Variants in ROR2 observed in about 807,000 individuals in gnomAD.
ROR2 encodes the protein tyrosine-protein kinase transmembrane receptor ROR2.
In ROR2, 33 loss-of-function variants were observed where a neutral mutation model predicts 74.9. That is an observed-to-expected ratio of 0.44 (90% CI 0.33 to 0.59). The LOEUF (loss-of-function observed/expected upper bound fraction) is 0.59. Ranked by LOEUF, ROR2 falls within the 20% of genes least tolerant of loss-of-function variation. The pLI is 0.02. For synonymous variants in ROR2, 586 were observed against 558.7 expected (o/e 1.05, Z -0.69); for missense variants, 1,216 against 1,313.8 (o/e 0.93, Z 1.15).
In ROR2 at chr9:91,859,839, A is replaced by C. The variant is rs147504662; in HGVS notation, c.98-84021T>G. 1.1e-3 allele frequency among the ~76,000 whole-genome samples: 170 copies of C among 152,236 alleles called. 1 individual carries two copies. The highest frequency in any genetic ancestry group is 0.01 in the East Asian group (52 of 5,160). ...GGCTCCGTCTCAAACAAACAAACAA[A>C]CAAACAAAACCATGTGTTTCAGCCA... On this transcript the variant is annotated intron_variant, in intron 1 of 8. Coordinates refer to ENST00000375708, the MANE Select transcript of ROR2 (RefSeq NM_004560.4).
chr9:91,946,881 CCTGTATTTCTATTCCA>C (rs1012951131), intron 1 of ROR2, among the ~76,000 whole-genome samples: 1 of 152,082 alleles, frequency 6.6e-6, no homozygotes, highest in African/African-American at 2.4e-5. Flanking sequence ...TGTTCGTACC[CCTGTATTTCTATTCCA>C]CTGATTTCAG....
intron 1 of ROR2, among the ~76,000 whole-genome samples, chr9:91,786,733 G>A (rs781670244): frequency 7.2e-5 from 11 of 152,214 alleles, no homozygotes; most frequent in East Asian, 3.9e-4. Flanking sequence ...AGCTGGGGGC[G>A]GAGGGGTAGG....
At chr9:91,892,678 C>T (rs1830450902) in intron 1 of ROR2, among the ~76,000 whole-genome samples, 1 of 150,540 alleles carries the variant, frequency 6.6e-6, no homozygotes, top group African/African-American at 2.5e-5. Context: ...CAACCTCCAC[C>T]TCCCGGGTTC....
At chr9:91,917,560 A>G (rs1031013371) in intron 1 of ROR2, among the ~76,000 whole-genome samples, 24 of 152,210 alleles carry the variant, frequency 1.6e-4, no homozygotes, top group Non-Finnish European at 8.8e-5. Flanking sequence ...GAAACCCTGG[A>G]AAGCATGCCC....
At chr9:91,827,270 T>C (rs1334306054) in intron 1 of ROR2, among the ~76,000 whole-genome samples, 5 of 152,202 alleles carry the variant, frequency 3.3e-5, no homozygotes, top group African/African-American at 4.8e-5. Flanking sequence ...AATTTTCCCA[T>C]ATCATTATAG....
At chr9:91,759,154 T>G (rs1825841624) in intron 2 of ROR2, among the ~76,000 whole-genome samples, 1 of 152,118 alleles carries the variant, frequency 6.6e-6, no homozygotes, top group Non-Finnish European at 1.5e-5. Context: ...TAGTGAACCC[T>G]AAGGGTAAGA....
chr9:91,838,247 G>A (rs1376495509), intron 1 of ROR2, among the ~76,000 whole-genome samples: 1 of 152,094 alleles, frequency 6.6e-6, no homozygotes, highest in Non-Finnish European at 1.5e-5. Context: ...GCTTATAAAA[G>A]CAAATTAAAC....
At chr9:91,764,848 G>A (rs917064468) in intron 2 of ROR2, among the ~76,000 whole-genome samples, 1 of 152,118 alleles carries the variant, frequency 6.6e-6, no homozygotes, top group Non-Finnish European at 1.5e-5. Flanking sequence ...TGATAGTTTC[G>A]TTGGGTATAG....
intron 1 of ROR2, among the ~76,000 whole-genome samples, chr9:91,911,186 C>CT (rs1587840853): frequency 6.6e-6 from 1 of 152,320 alleles, no homozygotes; most frequent in East Asian, 1.9e-4. Flanking sequence ...CACACAGGCT[C>CT]TTTTTGAAAA....
chr9:91,826,301 G>A (rs1214478461), intron 1 of ROR2, among the ~76,000 whole-genome samples: 4 of 152,014 alleles, frequency 2.6e-5, no homozygotes, highest in Admixed American at 2.0e-4. Context: ...TTATACCCAG[G>A]TATATCTCCA....
intron 1 of ROR2, among the ~76,000 whole-genome samples, chr9:91,866,248 T>A (rs1358165494): frequency 2.0e-5 from 3 of 151,884 alleles, no homozygotes; most frequent in Admixed American, 6.6e-5. Context: ...GTCTCCTGAG[T>A]AGCTGGAATT....
At chr9:91,825,906 C>T (rs780720878) in intron 1 of ROR2, among the ~76,000 whole-genome samples, 4 of 152,290 alleles carry the variant, frequency 2.6e-5, no homozygotes, top group African/African-American at 9.6e-5. Flanking sequence ...CTTCCATCGG[C>T]GAATAAACCA....
chr9:91,879,943 G>C (rs913132486), intron 1 of ROR2, among the ~76,000 whole-genome samples: 2 of 151,980 alleles, frequency 1.3e-5, no homozygotes, highest in East Asian at 1.9e-4. Flanking sequence ...TCAATACTAA[G>C]TTTTTCATCA....
chr9:91,909,423 T>C (rs1830896657), intron 1 of ROR2, among the ~76,000 whole-genome samples: 6 of 152,102 alleles, frequency 3.9e-5, no homozygotes, highest in Admixed American at 3.9e-4. Context: ...TGTAGTGGCC[T>C]ACAGCCTCAA....
intron 1 of ROR2, among the ~76,000 whole-genome samples, chr9:91,811,769 T>G (rs1827758357): frequency 6.6e-6 from 1 of 152,134 alleles, no homozygotes; most frequent in Non-Finnish European, 1.5e-5. Flanking sequence ...GATCTCAGAG[T>G]GGTCCCTCAC....
At chr9:91,853,098 G>A (rs1829162748) in intron 1 of ROR2, among the ~76,000 whole-genome samples, 1 of 152,356 alleles carries the variant, frequency 6.6e-6, no homozygotes, top group Admixed American at 6.5e-5. Flanking sequence ...CAGGCTGTGG[G>A]AGACTGGCTG....
At chr9:91,917,253 G>C (rs1457485697) in intron 1 of ROR2, among the ~76,000 whole-genome samples, 2 of 152,130 alleles carry the variant, frequency 1.3e-5, no homozygotes, top group Non-Finnish European at 2.9e-5. Context: ...TGGGTCTGTA[G>C]GTTTCTTAGT....
At chr9:91,835,749 G>T (rs1044223378) in intron 1 of ROR2, among the ~76,000 whole-genome samples, 1 of 152,190 alleles carries the variant, frequency 6.6e-6, no homozygotes, top group Non-Finnish European at 1.5e-5. Context: ...GAGGCGGAAG[G>T]GTGCACCTGT....
chr9:91,929,807 A>T (rs535424021), intron 1 of ROR2, among the ~76,000 whole-genome samples: 1 of 152,250 alleles, frequency 6.6e-6, no homozygotes, highest in African/African-American at 2.4e-5. Flanking sequence ...GAGGACGGCC[A>T]CTACCTCAAG....
Sources: gnomAD v4.1 joint callset for allele counts (sites outside exome capture counted in the v4.1 genomes callset) on GRCh38, gnomAD v4.1.1 for gene constraint, MANE v1.5 for transcripts, NCBI Gene and HGNC (gene_info 2026-07-23, HGNC 2026-07-21) for gene names.